Variants in AGBL1 observed in about 807,000 individuals in gnomAD.
AGBL1 encodes the protein AGBL carboxypeptidase 1, also known as cytosolic carboxypeptidase 4.
Under a neutral mutation model 118.9 loss-of-function variants are expected in AGBL1, and 130 were observed. The ratio of observed to expected loss-of-function variants is 1.09; its 90% CI spans 0.95 to 1.26. The LOEUF is 1.26. Ranked by LOEUF, AGBL1 falls within the 50% of genes most tolerant of loss-of-function variation. AGBL1 has a pLI of 0.00. For missense variants in AGBL1, 1,584 were observed against 1,298.1 expected (o/e 1.22, Z -3.38); for synonymous variants, 555 against 478.9 (o/e 1.16, Z -2.08).
intron 5 of AGBL1, among the ~76,000 whole-genome samples, chr15:86,163,784 A>T (rs908091257): frequency 1.3e-5 from 2 of 152,218 alleles, no homozygotes; most frequent in Non-Finnish European, 2.9e-5. Flanking sequence ...TATTTTAAAA[A>T]AAATTATTGG....
At chr15:86,284,863 G>T (rs192319976) in intron 16 of AGBL1, among the ~76,000 whole-genome samples, 2 of 152,314 alleles carry the variant, frequency 1.3e-5, no homozygotes, top group East Asian at 1.9e-4. Context: ...GGATGAGGCT[G>T]CAGGCTAAGG....
In AGBL1 at chr15:86,661,617, C is replaced by T. The variant is rs567670668; in HGVS notation, c.2995-12656C>T. Among the ~76,000 whole-genome samples the T allele has an allele frequency of 1.9e-3, 288 of 152,128 alleles. 2 individuals are homozygous for T. Among genetic ancestry groups the T allele is most frequent in the African/African-American group, 6.7e-3 (277 of 41,518 alleles). On this transcript the variant is annotated intron_variant, in intron 21 of 22. Transcript: ENST00000614907. ...AAAAAGACACCCACGCACAAATTTA[C>T]ATGCAATAAGAGGAGAATTACCAAT... is the stretch of plus-strand genomic sequence containing the variant.
At chr15:86,859,229 C>A (rs1219714101) in intron 22 of AGBL1, among the ~76,000 whole-genome samples, 3 of 152,200 alleles carry the variant, frequency 2.0e-5, no homozygotes, top group African/African-American at 7.2e-5. Flanking sequence ...CAACTGATCA[C>A]CCTGGATGCC....
At chr15:86,783,200 C>A (rs1025212797) in intron 22 of AGBL1, among the ~76,000 whole-genome samples, 1 of 152,118 alleles carries the variant, frequency 6.6e-6, no homozygotes. Flanking sequence ...CTGCCTTTCC[C>A]TTCTTGTTAA....
chr15:86,855,035 A>G (rs1289383175), intron 22 of AGBL1, among the ~76,000 whole-genome samples: 2 of 152,086 alleles, frequency 1.3e-5, no homozygotes, highest in African/African-American at 2.4e-5. Flanking sequence ...CTTCTGCTCA[A>G]AGGTTAAGGG....
intron 22 of AGBL1, among the ~76,000 whole-genome samples, chr15:86,802,895 ACACT>A (rs2078669297): frequency 1.3e-5 from 2 of 152,160 alleles, no homozygotes; most frequent in South Asian, 4.1e-4. Flanking sequence ...AGATAATAAG[ACACT>A]CAGTATAGAA....
chr15:86,560,948 G>A (rs943551998), intron 21 of AGBL1, among the ~76,000 whole-genome samples: 5 of 152,156 alleles, frequency 3.3e-5, no homozygotes, highest in African/African-American at 1.2e-4. Flanking sequence ...CTTTTGAGAA[G>A]TGTCTGTTCA....
chr15:86,834,179 C>T (rs1403060316), intron 22 of AGBL1, among the ~76,000 whole-genome samples: 1 of 152,070 alleles, frequency 6.6e-6, no homozygotes, highest in South Asian at 2.1e-4. Flanking sequence ...TGCTTCTGTA[C>T]CCCAAAACAA....
intron 22 of AGBL1, among the ~76,000 whole-genome samples, chr15:86,698,816 A>T (rs2142635032): frequency 6.6e-6 from 1 of 152,062 alleles, no homozygotes; most frequent in African/African-American, 2.4e-5. Context: ...GCTGCCATTA[A>T]TGAAATGGAT....
At chr15:86,956,347 A>G (rs1269788631) in intron 23 of AGBL1, among the ~76,000 whole-genome samples, 1 of 152,076 alleles carries the variant, frequency 6.6e-6, no homozygotes, top group East Asian at 1.9e-4. Context: ...GATAGATGAT[A>G]GATGAAAAGA....
chr15:86,636,110 C>A (rs1477647872), intron 21 of AGBL1, among the ~76,000 whole-genome samples: 1 of 152,158 alleles, frequency 6.6e-6, no homozygotes, highest in African/African-American at 2.4e-5. Context: ...CTTTACCATA[C>A]CACATGAGGG....
chr15:86,349,323 C>G (rs1184814135), intron 17 of AGBL1, among the ~76,000 whole-genome samples: 1 of 152,166 alleles, frequency 6.6e-6, no homozygotes, highest in Non-Finnish European at 1.5e-5. Context: ...ATGCACAAGA[C>G]AACCACCTAT....
intron 21 of AGBL1, among the ~76,000 whole-genome samples, chr15:86,565,524 C>T (rs564596099): frequency 1.8e-4 from 28 of 152,304 alleles, no homozygotes; most frequent in African/African-American, 4.8e-4. Context: ...AGCCATGTGA[C>T]GTGTCAGTCT....
At chr15:86,779,774 A>G (rs1305825167) in intron 22 of AGBL1, among the ~76,000 whole-genome samples, 2 of 152,158 alleles carry the variant, frequency 1.3e-5, no homozygotes, top group Admixed American at 6.5e-5. Context: ...GATGACTAAT[A>G]AAATAGAGTA....
intron 18 of AGBL1, among the ~76,000 whole-genome samples, chr15:86,513,575 A>G (rs1430631895): frequency 6.6e-6 from 1 of 152,000 alleles, no homozygotes; most frequent in African/African-American, 2.4e-5. Context: ...TCTGTTGCTC[A>G]TTATAGTTTT....
rs182704770 is a variant in AGBL1, at chr15:86,784,663, C to G, written c.3158+110227C>G. 3.5e-3 allele frequency among the ~76,000 whole-genome samples: 531 copies of G among 152,216 alleles called. 17 individuals are homozygous for G. Among genetic ancestry groups the G allele is most frequent in the Non-Finnish European group, 7.6e-4 (52 of 68,016 alleles). On this transcript the variant is annotated intron_variant, in intron 22 of 22. Transcript: ENST00000614907. ...TTTTCTTATACAGTTTCCCACCACT[C>G]TCTGAGCCACAGTTCAGAGGTAACT...
intron 19 of AGBL1, among the ~76,000 whole-genome samples, chr15:86,539,530 C>A (rs2083467111): frequency 6.6e-6 from 1 of 152,196 alleles, no homozygotes; most frequent in South Asian, 2.1e-4. Context: ...TCCTTCACCA[C>A]CTTCAAGAAA....
At chr15:86,805,745 GC>G (rs1260994586) in intron 22 of AGBL1, among the ~76,000 whole-genome samples, 3 of 151,966 alleles carry the variant, frequency 2.0e-5, no homozygotes, top group African/African-American at 4.8e-5. Flanking sequence ...TGCTAATTTT[GC>G]CCCAAATATA....
At chr15:86,586,245 T>C (rs2084246483) in intron 21 of AGBL1, among the ~76,000 whole-genome samples, 1 of 152,228 alleles carries the variant, frequency 6.6e-6, no homozygotes, top group African/African-American at 2.4e-5. Context: ...GACAAGGTAC[T>C]AGGGACACCT....
Sources: gnomAD v4.1 joint callset for allele counts (sites outside exome capture counted in the v4.1 genomes callset) on GRCh38, gnomAD v4.1.1 for gene constraint, MANE v1.5 for transcripts, NCBI Gene and HGNC (gene_info 2026-07-23, HGNC 2026-07-21) for gene names.